The following KHDRBS2 variants were observed in gnomAD, a reference collection of about 807,000 sequenced individuals.
KHDRBS2 encodes the protein KH RNA binding domain containing, signal transduction associated 2, also known as KH domain-containing, RNA-binding, signal transduction-associated protein 2.
A neutral mutation model predicts 44.3 loss-of-function variants in KHDRBS2; 26 were observed. The ratio of observed to expected loss-of-function variants is 0.59; its 90% CI spans 0.43 to 0.81. The LOEUF is 0.81. Ranked by LOEUF, KHDRBS2 falls within the 40% of genes least tolerant of loss-of-function variation. The pLI, the probability that KHDRBS2 is intolerant of heterozygous loss-of-function variation, is 0.00. For missense variants in KHDRBS2, 476 were observed against 433.1 expected, an observed-to-expected ratio of 1.10 and a Z score of -0.88; for synonymous variants, 194 against 151.1, an observed-to-expected ratio of 1.28 and a Z score of -2.08.
chr6:61,763,111 T>C (rs1427892308), intron 6 of KHDRBS2, among the ~76,000 whole-genome samples: 3 of 152,146 alleles, frequency 2.0e-5, no homozygotes, highest in African/African-American at 7.2e-5. Context: ...TCCCATCATA[T>C]GTGATCTCAG....
intron 3 of KHDRBS2, among the ~76,000 whole-genome samples, chr6:62,043,470 T>C (rs1786993310): frequency 6.6e-6 from 1 of 152,124 alleles, no homozygotes. Context: ...AAGAATACTT[T>C]TTCTTCTCAC....
At chr6:62,251,827 TTTAC>T (rs1272642533) in intron 1 of KHDRBS2, among the ~76,000 whole-genome samples, 2 of 149,024 alleles carry the variant, frequency 1.3e-5, no homozygotes, top group African/African-American at 5.1e-5. Context: ...GCCTCACATT[TTTAC>T]TTAAAATTTG....
intron 1 of KHDRBS2, among the ~76,000 whole-genome samples, chr6:62,209,421 G>A (rs1828625187): frequency 6.6e-6 from 1 of 152,166 alleles, no homozygotes; most frequent in South Asian, 2.1e-4. Flanking sequence ...AATGAATTGT[G>A]TAAGCTCTCC....
rs543126690 is a variant in KHDRBS2 at position 62,070,766 on chromosome 6, T to G, written c.220-22772A>C. 3.9e-5 allele frequency among the ~76,000 whole-genome samples: 6 copies of G among 152,330 alleles called. No individual in the cohort carries two copies. The South Asian group carries it at 1.2e-3, about 32-fold the overall frequency. On this transcript the variant is annotated intron_variant, in intron 2 of 8. Coordinates refer to ENST00000281156, the MANE Select transcript of KHDRBS2 (RefSeq NM_152688.4). ...GTTGGACATTTGGGTTGGTTCCAAG[T>G]CTTTGCTATTGTGAATAGTCTCGCA...
At chr6:61,882,031 A>G (rs1004554576) in intron 6 of KHDRBS2, among the ~76,000 whole-genome samples, 2 of 152,106 alleles carry the variant, frequency 1.3e-5, no homozygotes, top group African/African-American at 4.8e-5. Context: ...TACAACATCC[A>G]GTACTACTGC....
At chr6:62,044,173 T>C (rs768110832) in intron 3 of KHDRBS2, among the ~76,000 whole-genome samples, 25 of 151,898 alleles carry the variant, frequency 1.6e-4, no homozygotes, top group Non-Finnish European at 2.9e-4. Flanking sequence ...CAGCCTCCAG[T>C]CTCCCGCTTA....
At chr6:61,996,016 G>A (rs899116035) in intron 3 of KHDRBS2, among the ~76,000 whole-genome samples, 14 of 152,092 alleles carry the variant, frequency 9.2e-5, no homozygotes, top group South Asian at 4.1e-4. Context: ...TAATAACACT[G>A]GTGAAAAAGG....
chr6:61,554,184 G>A, the KHDRBS2 span, among the ~76,000 whole-genome samples: 1 of 152,148 alleles, frequency 6.6e-6, no homozygotes, highest in East Asian at 1.9e-4. Context: ...GGGTGCTCCT[G>A]TGTTCAGTAC....
At chr6:62,139,584 T>C (rs1240803450) in intron 2 of KHDRBS2, among the ~76,000 whole-genome samples, 1 of 151,804 alleles carries the variant, frequency 6.6e-6, no homozygotes, top group East Asian at 1.9e-4. Context: ...TTATATGTAA[T>C]GACAAATTTG....
intron 6 of KHDRBS2, among the ~76,000 whole-genome samples, chr6:61,733,847 C>T (rs1311602025): frequency 6.6e-6 from 1 of 151,658 alleles, no homozygotes; most frequent in Non-Finnish European, 1.5e-5. Context: ...CTCGATTATT[C>T]CCTACTTCTG....
At position 62,181,637 on chromosome 6, in the gene KHDRBS2, T is replaced by TA. The variant is rs200583579; in HGVS notation, c.92-4326dup. Among the ~76,000 whole-genome samples, 24 of 151,908 alleles carry TA rather than the reference T, an allele frequency of 1.6e-4. 1 individual carries two copies. The highest frequency in any genetic ancestry group is 1.4e-3 in the Admixed American group (22 of 15,196). ...TATGAAAAACAGTATAGAGATTCCTTAAAAAAAATTAACCTACCATATGAC... is the reference window on the plus strand; with the variant it reads ...TATGAAAAACAGTATAGAGATTCCTTAAAAAAAAATTAACCTACCATATGAC... On this transcript the variant is annotated intron_variant, in intron 1 of 8. Transcript: ENST00000281156.
chr6:61,596,757 T>A, the KHDRBS2 span, among the ~76,000 whole-genome samples: 71 of 152,152 alleles, frequency 4.7e-4, 1 homozygote, highest in Non-Finnish European at 1.6e-4. Context: ...GTTCAAGTGA[T>A]TCTTCTGCCT....
chr6:61,942,754 C>A (rs1314162129), intron 4 of KHDRBS2, among the ~76,000 whole-genome samples: 1 of 151,980 alleles, frequency 6.6e-6, no homozygotes, highest in Non-Finnish European at 1.5e-5. Context: ...ATAAAGAGGT[C>A]CTCTCTACAG....
chr6:62,121,530 G>A (rs992541723), intron 2 of KHDRBS2, among the ~76,000 whole-genome samples: 23 of 152,188 alleles, frequency 1.5e-4, no homozygotes, highest in African/African-American at 5.5e-4. Flanking sequence ...CTGGTACCTA[G>A]CATGCAGCCA....
chr6:61,980,825 A>G (rs531039858), intron 3 of KHDRBS2, among the ~76,000 whole-genome samples: 4 of 152,334 alleles, frequency 2.6e-5, no homozygotes, highest in African/African-American at 4.8e-5. Flanking sequence ...CTGATTAGCT[A>G]TTGCAGAACT....
intron 6 of KHDRBS2, among the ~76,000 whole-genome samples, chr6:61,881,668 T>G (rs1800227677): frequency 6.6e-6 from 1 of 151,806 alleles, no homozygotes; most frequent in Admixed American, 6.6e-5. Context: ...TAAGGAATCC[T>G]CCTAATCTCT....
At chr6:61,719,102 G>A (rs1213564373) in intron 7 of KHDRBS2, among the ~76,000 whole-genome samples, 2 of 152,104 alleles carry the variant, frequency 1.3e-5, no homozygotes, top group Non-Finnish European at 2.9e-5. Context: ...GGTTGTGTGA[G>A]TTCCTCACCT....
chr6:61,925,637 G>A (rs1279033607), intron 4 of KHDRBS2, among the ~76,000 whole-genome samples: 2 of 151,344 alleles, frequency 1.3e-5, no homozygotes, highest in Non-Finnish European at 2.9e-5. Context: ...TGGGAGGATC[G>A]ATTAAGCCTG....
At chr6:62,082,346 C>T (rs1797567925) in intron 2 of KHDRBS2, among the ~76,000 whole-genome samples, 1 of 121,768 alleles carries the variant, frequency 8.2e-6, no homozygotes, top group African/African-American at 3.3e-5. Flanking sequence ...TGTGAACAAC[C>T]CAACTTTATT....
Sources: allele counts gnomAD v4.1 joint callset (sites outside exome capture counted in the v4.1 genomes callset), GRCh38; gene constraint gnomAD v4.1.1; transcripts MANE v1.5; gene names NCBI Gene and HGNC (gene_info 2026-07-23, HGNC 2026-07-21).